The following GRM7 variants were observed in gnomAD, a reference collection of about 807,000 sequenced individuals.
The protein encoded by GRM7 is glutamate metabotropic receptor 7.
In GRM7, 35 loss-of-function variants were observed where a neutral mutation model predicts 84.5. The observed-to-expected ratio is 0.41, with a 90% CI of 0.32 to 0.55. The LOEUF (loss-of-function observed/expected upper bound fraction) is 0.55, where lower values mean the gene tolerates loss of function less well. Among genes scored for constraint, GRM7 ranks in the 20% least tolerant of loss-of-function variants. The probability of loss-of-function intolerance (pLI) is 0.19; values close to 1 mark genes in which losing one functional copy is unlikely to be tolerated. For synonymous variants in GRM7, 487 were observed against 455.1 expected (o/e 1.07, Z -0.89); for missense variants, 1,003 against 1,194.6 (o/e 0.84, Z 2.36).
intron 1 of GRM7, among the ~76,000 whole-genome samples, chr3:7,066,430 T>C (rs944781892): frequency 3.9e-5 from 6 of 152,014 alleles, no homozygotes; most frequent in East Asian, 3.9e-4. Flanking sequence ...CTAGAGGAGA[T>C]GGATGAATTC....
chr3:7,215,589 C>CG lies in GRM7; in HGVS notation c.736+68927dup, dbSNP rs775864465. Reference sequence around the variant, plus strand: ...CTGAGGCAGAAGAATGGCGTGAACCCGGGGGGCGGAGCTTGCAGTGAGCTG... The same window carrying CG: ...CTGAGGCAGAAGAATGGCGTGAACCCGGGGGGGCGGAGCTTGCAGTGAGCTG... On this transcript the variant is annotated intron_variant, in intron 2 of 9. Coordinates refer to ENST00000357716, the MANE Select transcript of GRM7 (RefSeq NM_000844.4). 6.6e-5 allele frequency among the ~76,000 whole-genome samples: 10 copies of CG among 151,894 alleles called. No homozygotes were observed. In the South Asian group the frequency reaches 1.0e-3, roughly 16 times the overall value.
chr3:7,240,835 G>A (rs1434253455), intron 2 of GRM7, among the ~76,000 whole-genome samples: 1 of 152,134 alleles, frequency 6.6e-6, no homozygotes, highest in Admixed American at 6.5e-5. Context: ...GGTCCCATAA[G>A]ATTATAATAT....
At chr3:7,222,833 GT>G (rs1444234815) in intron 2 of GRM7, among the ~76,000 whole-genome samples, 3 of 152,140 alleles carry the variant, frequency 2.0e-5, no homozygotes, top group African/African-American at 4.8e-5. Flanking sequence ...GAATAATTGT[GT>G]CTTTAAATTA....
chr3:7,048,503 A>G (rs958104547), intron 1 of GRM7, among the ~76,000 whole-genome samples: 1 of 151,874 alleles, frequency 6.6e-6, no homozygotes, highest in Non-Finnish European at 1.5e-5. Flanking sequence ...GAAAAAAAAA[A>G]GATGCATTAC....
At chr3:6,993,619 A>T (rs1472741365) in intron 1 of GRM7, among the ~76,000 whole-genome samples, 1 of 152,240 alleles carries the variant, frequency 6.6e-6, no homozygotes, top group Admixed American at 6.5e-5. Flanking sequence ...CTAATCTGGC[A>T]TCAGAAAAGA....
intron 7 of GRM7, among the ~76,000 whole-genome samples, chr3:7,550,575 C>G (rs200238728): frequency 0.3 from 11,650 of 39,094 alleles, 1,181 homozygotes; most frequent in African/African-American, 0.46. Context: ...CTCTCTCTCT[C>G]TCTGTGTGTG....
At chr3:6,973,779 T>A (rs1693868772) in intron 1 of GRM7, among the ~76,000 whole-genome samples, 2 of 152,166 alleles carry the variant, frequency 1.3e-5, no homozygotes, top group African/African-American at 4.8e-5. Flanking sequence ...GTGCTTGAGC[T>A]AAGGGAATGT....
intron 1 of GRM7, among the ~76,000 whole-genome samples, chr3:7,124,916 A>G (rs929983233): frequency 2.6e-5 from 4 of 152,294 alleles, no homozygotes; most frequent in African/African-American, 9.6e-5. Context: ...CATCTGAAAT[A>G]TTACTATGCT....
chr3:6,924,116 A>G (rs1214038369), intron 1 of GRM7, among the ~76,000 whole-genome samples: 4 of 152,226 alleles, frequency 2.6e-5, no homozygotes, highest in Non-Finnish European at 5.9e-5. Context: ...AATTATGCCT[A>G]TAACACAATG....
intron 1 of GRM7, among the ~76,000 whole-genome samples, chr3:7,085,575 T>C (rs1453022005): frequency 1.3e-5 from 2 of 152,150 alleles, no homozygotes; most frequent in African/African-American, 2.4e-5. Context: ...GAAACTAGAA[T>C]AACTTTAGAG....
chr3:6,976,373 C>T (rs1356988261), intron 1 of GRM7, among the ~76,000 whole-genome samples: 2 of 152,112 alleles, frequency 1.3e-5, no homozygotes, highest in East Asian at 3.9e-4. Context: ...TCACAGATGA[C>T]CAGAAATCAG....
At chr3:7,662,336 C>G (rs1229855234) in intron 8 of GRM7, among the ~76,000 whole-genome samples, 7 of 152,136 alleles carry the variant, frequency 4.6e-5, no homozygotes, top group Non-Finnish European at 1.0e-4. Context: ...TGGTGTACAT[C>G]TGTCAAAATG....
intron 1 of GRM7, among the ~76,000 whole-genome samples, chr3:7,001,046 G>C (rs1411843808): frequency 1.3e-5 from 2 of 152,338 alleles, no homozygotes; most frequent in South Asian, 2.1e-4. Context: ...GAAAATCATA[G>C]TCAGGGAATG....
At chr3:7,360,955 G>A (rs191725763) in intron 4 of GRM7, among the ~76,000 whole-genome samples, 12 of 152,112 alleles carry the variant, frequency 7.9e-5, no homozygotes, top group Non-Finnish European at 1.8e-4. Flanking sequence ...TCTTGGACAT[G>A]CTTTTTCAGG....
chr3:7,345,687 A>G (rs575787486), intron 4 of GRM7, among the ~76,000 whole-genome samples: 1 of 152,198 alleles, frequency 6.6e-6, no homozygotes, highest in Non-Finnish European at 1.5e-5. Flanking sequence ...CAACTCTCTG[A>G]TTATAATGTG....
intron 2 of GRM7, among the ~76,000 whole-genome samples, chr3:7,176,567 T>G (rs1351959089): frequency 6.6e-6 from 1 of 152,240 alleles, no homozygotes; most frequent in East Asian, 1.9e-4. Context: ...TCTACTCCTC[T>G]TTTAAAGAGT....
intron 1 of GRM7, among the ~76,000 whole-genome samples, chr3:6,997,248 G>C (rs1694857662): frequency 6.6e-6 from 1 of 151,992 alleles, no homozygotes; most frequent in Non-Finnish European, 1.5e-5. Flanking sequence ...TTTCTAAAGT[G>C]ATAATTTATT....
Position 6,861,303 on chromosome 3 carries a change from G to C in GRM7, c.-86G>C, listed in dbSNP as rs1694744790. On this transcript the variant is annotated 5_prime_UTR_variant, in exon 1 of 10. Transcript: ENST00000357716. The surrounding 1 kb of genome is among the most constrained non-coding windows in gnomAD (Gnocchi z 6.4). ...CAGGAGCCCCTGGGCTTTCCCGGAG[G>C]AGCTCGCCCTGAAGGGCCCGGACCT... The C allele has an allele frequency of 3.3e-6, 4 of 1,230,350 alleles. No homozygotes were observed. In the Admixed American group the frequency reaches 1.5e-4, roughly 45 times the overall value. 76.2% of individuals were successfully genotyped at this position (1,230,350 alleles called of 1,614,324 possible).
At chr3:6,961,599 A>G (rs1239520783) in intron 1 of GRM7, among the ~76,000 whole-genome samples, 2 of 152,094 alleles carry the variant, frequency 1.3e-5, no homozygotes, top group African/African-American at 2.4e-5. Context: ...CATTCATCCT[A>G]TCTGTCTTCT....
Sources: allele counts gnomAD v4.1 joint callset (sites outside exome capture counted in the v4.1 genomes callset), GRCh38; gene constraint gnomAD v4.1.1; non-coding constraint Gnocchi (gnomAD v3.1); transcripts MANE v1.5; gene names NCBI Gene and HGNC (gene_info 2026-07-23, HGNC 2026-07-21).